The following ANO6 variants were observed in gnomAD, a reference collection of about 807,000 sequenced individuals.
The protein encoded by ANO6 is anoctamin 6.
Under a neutral mutation model 117.5 loss-of-function variants are expected in ANO6, and 106 were observed. The observed-to-expected ratio is 0.90, with a 90% confidence interval of 0.77 to 1.06. ANO6 has a LOEUF of 1.06. Ranked by LOEUF, ANO6 falls within the 50% of genes least tolerant of loss-of-function variation. The probability of loss-of-function intolerance (pLI) is 0.00; values close to 1 mark genes in which losing one functional copy is unlikely to be tolerated. For synonymous variants in ANO6, 367 were observed against 385.1 expected (o/e 0.95, Z 0.55); for missense variants, 955 against 1,121.1 (o/e 0.85, Z 2.12).
rs369939244 is a variant in ANO6, at chr12:45,344,642, G to A, written c.280-2380G>A. ...CCCCTAACATTGGAGATTACAGTTC[G>A]ACATGACATTTGGGCAAAGACACAA... On this transcript the variant is annotated intron_variant, in intron 3 of 19. Transcript: ENST00000320560. Among the ~76,000 whole-genome samples the A allele has an allele frequency of 5.0e-4, 76 of 152,224 alleles. 2 individuals carry two copies. The South Asian group carries it at 0.014, about 28-fold the overall frequency.
intron 1 of ANO6, among the ~76,000 whole-genome samples, chr12:45,280,249 A>C (rs897728914): frequency 1.3e-5 from 2 of 152,082 alleles, no homozygotes; most frequent in Admixed American, 1.3e-4. Context: ...GCTGCTTCTC[A>C]GCTGGATGGA....
In ANO6 at chr12:45,332,981, T is replaced by G. The variant is rs190987886; in HGVS notation, c.279+1558T>G. Among the ~76,000 whole-genome samples, 11 of 152,124 alleles carry G rather than the reference T, an allele frequency of 7.2e-5. No individual in the cohort carries two copies. The East Asian group carries it at 1.2e-3, about 16-fold the overall frequency. On this transcript the variant is annotated intron_variant, in intron 3 of 19. Transcript: ENST00000320560. ...TCAATTTTTTTTTTCTTTTTTATGT[T>G]TGACATCTCTAAAATCAGTTGGATC...
intron 1 of ANO6, among the ~76,000 whole-genome samples, chr12:45,262,130 A>T (rs1427221937): frequency 3.3e-5 from 5 of 152,186 alleles, no homozygotes; most frequent in African/African-American, 9.7e-5. Context: ...AACTGCAAAT[A>T]AAACAAAAAT....
chr12:45,292,865 A>G (rs1939148146), intron 1 of ANO6: 3 of 1,549,134 alleles, frequency 1.9e-6, no homozygotes, highest in Non-Finnish European at 1.7e-6. Context: ...TAGGAGGGTA[A>G]GAAGCGTCAA....
At chr12:45,257,139 C>T (rs918298199) in intron 1 of ANO6, among the ~76,000 whole-genome samples, 6 of 152,184 alleles carry the variant, frequency 3.9e-5, no homozygotes, top group African/African-American at 1.2e-4. Context: ...GGCGTGCCTG[C>T]TTCGTCTGTT....
intron 8 of ANO6, among the ~76,000 whole-genome samples, chr12:45,363,436 C>A (rs774224002): frequency 1.3e-5 from 2 of 151,822 alleles, no homozygotes. Flanking sequence ...TGGTGACATG[C>A]GCCTGTGGTC....
intron 17 of ANO6, among the ~76,000 whole-genome samples, chr12:45,417,130 A>G (rs1299123338): frequency 2.0e-5 from 3 of 152,162 alleles, no homozygotes; most frequent in Non-Finnish European, 4.4e-5. Flanking sequence ...GTTATTGCTC[A>G]TTTGCTAAAG....
At chr12:45,220,686 T>C (rs979359184) in intron 1 of ANO6, among the ~76,000 whole-genome samples, 6 of 152,216 alleles carry the variant, frequency 3.9e-5, no homozygotes, top group Admixed American at 1.3e-4. Context: ...CCTAAAACTT[T>C]TGGAATTTTC....
At chr12:45,286,650 C>A (rs530016803) in intron 1 of ANO6, among the ~76,000 whole-genome samples, 1 of 152,308 alleles carries the variant, frequency 6.6e-6, no homozygotes, top group Admixed American at 6.5e-5. Flanking sequence ...AAGCTGTATA[C>A]CCCTCTTTTA....
At chr12:45,334,059 T>A (rs1940754438) in intron 3 of ANO6, among the ~76,000 whole-genome samples, 1 of 151,812 alleles carries the variant, frequency 6.6e-6, no homozygotes, top group Non-Finnish European at 1.5e-5. Flanking sequence ...AAAAAGAAAA[T>A]AATTTTCTAG....
intron 1 of ANO6, among the ~76,000 whole-genome samples, chr12:45,294,263 T>C (rs1284914508): frequency 6.6e-6 from 1 of 152,186 alleles, no homozygotes; most frequent in Non-Finnish European, 1.5e-5. Flanking sequence ...AGGGGAACCT[T>C]TTGAGGAAAA....
intron 2 of ANO6, among the ~76,000 whole-genome samples, chr12:45,322,956 CT>C (rs1469803596): frequency 6.6e-6 from 1 of 152,158 alleles, no homozygotes; most frequent in African/African-American, 2.4e-5. Context: ...TTTTGCCCTG[CT>C]GCCAAGAGGC....
At chr12:45,334,031 A>T (rs192095377) in intron 3 of ANO6, among the ~76,000 whole-genome samples, 1 of 152,216 alleles carries the variant, frequency 6.6e-6, no homozygotes, top group Non-Finnish European at 1.5e-5. Flanking sequence ...ATTTAAAAGG[A>T]TGTATCATCC....
chr12:45,376,833 C>T (rs1942036954), intron 9 of ANO6, among the ~76,000 whole-genome samples: 1 of 150,060 alleles, frequency 6.7e-6, no homozygotes, highest in South Asian at 2.1e-4. Context: ...GCACATGTAC[C>T]CTAAAACTTA....
At chr12:45,365,865 A>G (rs1303580727) in intron 8 of ANO6, among the ~76,000 whole-genome samples, 2 of 152,212 alleles carry the variant, frequency 1.3e-5, no homozygotes, top group African/African-American at 2.4e-5. Flanking sequence ...GACATCAAGC[A>G]CTTGGTTAAT....
intron 10 of ANO6, among the ~76,000 whole-genome samples, chr12:45,380,123 C>CT (rs1198671539): frequency 6.6e-6 from 1 of 151,904 alleles, no homozygotes; most frequent in African/African-American, 2.4e-5. Context: ...AGTAGAAAAC[C>CT]TTTTGTAATC....
Position 45,302,040 on chromosome 12 carries a change from G to C in ANO6, c.97G>C (p.Val33Leu). 1 of 1,613,950 alleles carries C rather than the reference G, an allele frequency of 6.2e-7. No individual in the cohort carries two copies. Among genetic ancestry groups the C allele is most frequent in the African/African-American group, 1.3e-5 (1 of 75,028 alleles). ...IVLENLGQTI[V>L]PDLGSLESQH... ...GTTGGAAAACCTTGGACAGACAATT[G>C]TCCCCGATTTGGGATCACTGGAAAG... The change falls in exon 2 of 20, where the codon GTC (valine) becomes CTC (leucine). Residue 33 changes from valine (V) to leucine (L), a missense_variant. Transcript: ENST00000320560.
chr12:45,412,590 G>T (rs765665551), intron 16 of ANO6, among the ~76,000 whole-genome samples: 1 of 152,220 alleles, frequency 6.6e-6, no homozygotes, highest in South Asian at 2.1e-4. Context: ...ATCTCTGCTT[G>T]GTTCGAGCCC....
chr12:45,292,853 G>A (rs1939147481), intron 1 of ANO6: 1 of 1,547,432 alleles, frequency 6.5e-7, no homozygotes, highest in Non-Finnish European at 8.7e-7. Flanking sequence ...TTAAGGTAGA[G>A]GTAGGAGGGT....
Sources: gnomAD v4.1 joint callset for allele counts (sites outside exome capture counted in the v4.1 genomes callset) on GRCh38, gnomAD v4.1.1 for gene constraint, MANE v1.5 for transcripts, NCBI Gene and HGNC (gene_info 2026-07-23, HGNC 2026-07-21) for gene names.